RAB5A: variants seen among roughly 807,000 people sequenced by gnomAD.
RAB5A encodes the protein RAB5A, member RAS oncogene family, also known as ras-related protein Rab-5A.
A neutral mutation model predicts 25.7 loss-of-function variants in RAB5A; 8 were observed. That is an observed-to-expected ratio of 0.31 (90% CI 0.18 to 0.56). The LOEUF (loss-of-function observed/expected upper bound fraction) is 0.56. Among genes scored for constraint, RAB5A ranks in the 20% least tolerant of loss-of-function variants. The pLI is 0.91. For missense variants in RAB5A, 192 were observed against 259.7 expected (o/e 0.74, Z 1.79); for synonymous variants, 98 against 89.8 (o/e 1.09, Z -0.52).
chr3:19,961,660 ATG>A (rs1696586827), intron 2 of RAB5A, among the ~76,000 whole-genome samples: 1 of 152,210 alleles, frequency 6.6e-6, no homozygotes. Flanking sequence ...TAATTTGTTC[ATG>A]TGAGTCAAAA....
chr3:19,961,969 G>A (rs1192262345), intron 2 of RAB5A, among the ~76,000 whole-genome samples: 1 of 152,164 alleles, frequency 6.6e-6, no homozygotes, highest in African/African-American at 2.4e-5. Context: ...CATGGTTCTG[G>A]TGAGTGGGCT....
At chr3:19,974,069 T>TG (rs1486763743) in intron 2 of RAB5A, among the ~76,000 whole-genome samples, 5 of 152,130 alleles carry the variant, frequency 3.3e-5, no homozygotes, top group Admixed American at 3.3e-4. Context: ...GCATACCAAT[T>TG]TACAGTGAAT....
chr3:19,949,603 A>G (rs938576191), intron 1 of RAB5A, among the ~76,000 whole-genome samples: 127 of 152,218 alleles, frequency 8.3e-4, no homozygotes, highest in African/African-American at 3.0e-3. Flanking sequence ...TCGGATTTTG[A>G]TTAAAGATAG....
At chr3:19,968,131 A>G (rs1390333734) in intron 2 of RAB5A, among the ~76,000 whole-genome samples, 1 of 152,072 alleles carries the variant, frequency 6.6e-6, no homozygotes, top group East Asian at 1.9e-4. Context: ...GCCTCATTCT[A>G]TTTCTGAAAT....
chr3:19,964,639 T>C (rs180941662), intron 2 of RAB5A, among the ~76,000 whole-genome samples: 1 of 152,300 alleles, frequency 6.6e-6, no homozygotes, highest in Admixed American at 6.5e-5. Context: ...TATTTATTTG[T>C]TTGAGACGGA....
intron 2 of RAB5A, among the ~76,000 whole-genome samples, chr3:19,956,411 G>A (rs1696503178): frequency 6.6e-6 from 1 of 152,132 alleles, no homozygotes; most frequent in South Asian, 2.1e-4. Flanking sequence ...CCGAGATCGC[G>A]CCATTGCACT....
chr3:19,948,675 T>C (rs891239832), intron 1 of RAB5A, among the ~76,000 whole-genome samples: 11 of 152,192 alleles, frequency 7.2e-5, no homozygotes, highest in Non-Finnish European at 1.5e-4. Context: ...TTTGAGATCC[T>C]TAGGGGGAGT....
At chr3:19,953,409 T>TC (rs1215029740) in intron 2 of RAB5A, among the ~76,000 whole-genome samples, 1 of 137,088 alleles carries the variant, frequency 7.3e-6, no homozygotes. Context: ...TTTCTGTTAA[T>TC]CCTTTTTTTT....
intron 5 of RAB5A, among the ~76,000 whole-genome samples, chr3:19,980,445 A>ATTTTTTTTTTTTT (rs11441052): frequency 6.8e-6 from 1 of 148,102 alleles, no homozygotes; most frequent in African/African-American, 2.5e-5. Context: ...AGGTTAGTAA[A>ATTTTTTTTTTTTT]TTTTTTTTTC....
At chr3:19,958,427 C>G (rs1696536937) in intron 2 of RAB5A, among the ~76,000 whole-genome samples, 1 of 152,168 alleles carries the variant, frequency 6.6e-6, no homozygotes, top group South Asian at 2.1e-4. Context: ...TCATATGTGG[C>G]TACTTAAACA....
chr3:19,953,411 C>CCT (rs769085411), intron 2 of RAB5A, among the ~76,000 whole-genome samples: 1 of 134,548 alleles, frequency 7.4e-6, no homozygotes, highest in African/African-American at 2.7e-5. Flanking sequence ...TCTGTTAATC[C>CCT]TTTTTTTTTT....
At chr3:19,955,913 A>C (rs778325881) in intron 2 of RAB5A, among the ~76,000 whole-genome samples, 1 of 152,010 alleles carries the variant, frequency 6.6e-6, no homozygotes, top group Non-Finnish European at 1.5e-5. Context: ...AAAATTGTTC[A>C]TGCAACTAAC....
chr3:19,972,797 TTGTACATGTATGG>T (rs1368036946), intron 2 of RAB5A, among the ~76,000 whole-genome samples: 4 of 152,234 alleles, frequency 2.6e-5, no homozygotes, highest in Admixed American at 1.3e-4. Context: ...TTTGGCATTT[TTGTACATGTATGG>T]TGTACATGTA....
chr3:19,977,236 C>T (rs998484403), intron 4 of RAB5A, among the ~76,000 whole-genome samples: 2 of 152,108 alleles, frequency 1.3e-5, no homozygotes, highest in African/African-American at 4.8e-5. Context: ...CCACTCCTGG[C>T]TAATTTTTTG....
intron 2 of RAB5A, 197 bp downstream of exon 2, chr3:19,951,258 A>T (rs1696418089): frequency 1.8e-6 from 1 of 553,686 alleles, no homozygotes; most frequent in Non-Finnish European, 3.0e-6. Flanking sequence ...TTGTTTGGTT[A>T]ATCCCTTGTG....
intron 2 of RAB5A, among the ~76,000 whole-genome samples, chr3:19,969,310 C>T (rs1696711161): frequency 6.6e-6 from 1 of 152,070 alleles, no homozygotes; most frequent in Non-Finnish European, 1.5e-5. Context: ...TCCTAAAGTG[C>T]TGGGATTACA....
intron 2 of RAB5A, among the ~76,000 whole-genome samples, chr3:19,957,370 AT>A (rs1559486624): frequency 6.6e-6 from 1 of 152,146 alleles, no homozygotes; most frequent in Non-Finnish European, 1.5e-5. Context: ...TGTCCTCACC[AT>A]TAAAAAATAG....
chr3:19,981,560 G>A (rs1696928102), intron 5 of RAB5A, among the ~76,000 whole-genome samples: 1 of 151,970 alleles, frequency 6.6e-6, no homozygotes, highest in African/African-American at 2.4e-5. Flanking sequence ...GTTGTAGCGA[G>A]CTGAGATCGT....
Position 19,950,940 on chromosome 3 carries a change from G to A in RAB5A, c.42G>A (p.Thr14=), listed in dbSNP as rs6773437. The change falls in exon 2 of 6, where the codon ACG becomes ACA. Residue 14 remains threonine, a synonymous_variant. Transcript: ENST00000273047. The part of the protein sequence containing the change: ...RGATRPNGPN[T]GNKICQFKLV... Reference sequence around the variant, plus strand: ...CAACAAGACCCAACGGGCCAAATACGGGAAATAAAATATGCCAGTTCAAAC... The same window carrying A: ...CAACAAGACCCAACGGGCCAAATACAGGAAATAAAATATGCCAGTTCAAAC... The A allele has an allele frequency of 8.1e-6, 13 of 1,613,532 alleles. No individual in the cohort carries two copies. The highest frequency in any genetic ancestry group is 1.7e-4 in the Middle Eastern group (1 of 5,988).
Sources: gnomAD v4.1 joint callset for allele counts (sites outside exome capture counted in the v4.1 genomes callset) on GRCh38, gnomAD v4.1.1 for gene constraint, MANE v1.5 for transcripts, NCBI Gene and HGNC (gene_info 2026-07-23, HGNC 2026-07-21) for gene names.